The following SLC6A16 variants were observed in gnomAD, a reference collection of about 807,000 sequenced individuals.
SLC6A16 encodes orphan sodium- and chloride-dependent neurotransmitter transporter NTT5.
SLC6A16 carries 54 observed loss-of-function variants against 65.4 expected under a neutral mutation model. That is an observed-to-expected ratio of 0.83 (90% confidence interval 0.66 to 1.04). The LOEUF (loss-of-function observed/expected upper bound fraction) is 1.04, where lower values mean the gene tolerates loss of function less well. Among genes scored for constraint, SLC6A16 ranks in the 50% least tolerant of loss-of-function variants. The pLI, the probability that SLC6A16 is intolerant of heterozygous loss-of-function variation, is 0.00. For missense variants in SLC6A16, 816 were observed against 914.0 expected, an observed-to-expected ratio of 0.89 and a Z score of 1.38; for synonymous variants, 330 against 346.5, an observed-to-expected ratio of 0.95 and a Z score of 0.53.
intron 7 of SLC6A16, among the ~76,000 whole-genome samples, chr19:49,303,293 A>G (rs1376132509): frequency 6.6e-6 from 1 of 152,220 alleles, no homozygotes; most frequent in East Asian, 1.9e-4. Flanking sequence ...CTTGCAGTCC[A>G]GGAGAGAGTA....
At chr19:49,339,230 T>C in the SLC6A16 span, 2 of 1,037,954 alleles carry the variant, frequency 1.9e-6, no homozygotes, top group Non-Finnish European at 2.9e-6. The surrounding 1 kb of genome is among the most constrained non-coding windows in gnomAD (Gnocchi z 4.5). Flanking sequence ...GGGGAGCGGG[T>C]AGATGCCTGA....
At chr19:49,293,479 T>C in intron 9 of SLC6A16, 97 bp from the exon 10 acceptor site, 1 of 1,227,198 alleles carries the variant, frequency 8.1e-7, no homozygotes, top group Non-Finnish European at 1.2e-6. Flanking sequence ...GCAGACCCAG[T>C]GGTAGCCGGG....
chr19:49,335,865 C>A, the SLC6A16 span: 1 of 1,134,378 alleles, frequency 8.8e-7, no homozygotes, highest in South Asian at 1.2e-5. The surrounding 1 kb of genome is among the most constrained non-coding windows in gnomAD (Gnocchi z 4.6). Flanking sequence ...TCAGGGAGAC[C>A]TACGGTGCCC....
chr19:49,296,288 G>C (rs1014512439), intron 7 of SLC6A16, among the ~76,000 whole-genome samples: 1 of 152,110 alleles, frequency 6.6e-6, no homozygotes, highest in Non-Finnish European at 1.5e-5. Flanking sequence ...CACTCAGTCT[G>C]GGAAGGTAAT....
the SLC6A16 span, chr19:49,338,094 T>G: frequency 6.3e-7 from 1 of 1,581,028 alleles, no homozygotes; most frequent in Non-Finnish European, 8.6e-7. This position sits in a 1 kb window ranked among gnomAD's most constrained non-coding sequence, Gnocchi z 5.0. Flanking sequence ...TGGAGGAGAC[T>G]CCACCCCAAC....
chr19:49,293,778 G>T, intron 9 of SLC6A16, 49 bp downstream of exon 9: 1 of 1,515,298 alleles, frequency 6.6e-7, no homozygotes, highest in Non-Finnish European at 9.1e-7. Flanking sequence ...AGTCCCAGTG[G>T]TGTCAGGGGT....
In SLC6A16 at chr19:49,317,814, A is replaced by C. The variant is rs567340469; in HGVS notation, c.-64-6403T>G. ...CAGCGAGACTCCGTCTCAAAAAAAAAAAACTGTACAAATAATTAAAACAAC... is the reference window on the plus strand; with the variant it reads ...CAGCGAGACTCCGTCTCAAAAAAAACAAACTGTACAAATAATTAAAACAAC... On this transcript the variant is annotated intron_variant, in intron 1 of 11. Transcript: ENST00000335875. Among the ~76,000 whole-genome samples, 30 of 152,350 alleles carry C rather than the reference A, an allele frequency of 2.0e-4. 1 individual carries two copies. The South Asian group carries it at 6.2e-3, about 32-fold the overall frequency.
In SLC6A16 at chr19:49,311,199, T is replaced by C; in HGVS notation, c.149A>G (p.Gln50Arg). Residue 50 changes from glutamine to arginine, a missense_variant, in exon 2 of 12, where the codon CAA becomes CGA. By Grantham distance (43) the Gln-to-Arg change is conservative. Coordinates refer to ENST00000335875, the MANE Select transcript of SLC6A16 (RefSeq NM_014037.3). ...CTCTGCAACCCGGGCTGCTGAAACTTGGGCCTCTGAGGTCCAAGATGTTGC... is the reference window on the plus strand; with the variant it reads ...CTCTGCAACCCGGGCTGCTGAAACTCGGGCCTCTGAGGTCCAAGATGTTGC... ...RSATSWTSEA[Q>R]VSAARVAEAQ... is the part of the protein sequence containing the mutation. 2.5e-6 allele frequency: 4 copies of C among 1,614,152 alleles called. No homozygotes were observed. Among genetic ancestry groups the C allele is most frequent in the Non-Finnish European group, 3.4e-6 (4 of 1,180,026 alleles).
At chr19:49,323,340 C>G (rs1038839231) in intron 1 of SLC6A16, among the ~76,000 whole-genome samples, 15 of 151,628 alleles carry the variant, frequency 9.9e-5, no homozygotes, top group Non-Finnish European at 2.2e-4. Context: ...AAGGCAAAAG[C>G]AACAAAAGAA....
chr19:49,312,218 A>C (rs1970536417), intron 1 of SLC6A16, among the ~76,000 whole-genome samples: 1 of 152,164 alleles, frequency 6.6e-6, no homozygotes, highest in Non-Finnish European at 1.5e-5. Context: ...TGAATTTAAA[A>C]ACAAAACTAA....
intron 7 of SLC6A16, among the ~76,000 whole-genome samples, chr19:49,301,457 C>A (rs990035697): frequency 1.3e-5 from 2 of 152,190 alleles, no homozygotes; most frequent in Non-Finnish European, 2.9e-5. Flanking sequence ...CCCCTAGTGG[C>A]CTGCTCAACA....
At chr19:49,297,652 C>T (rs1970210159) in intron 7 of SLC6A16, among the ~76,000 whole-genome samples, 1 of 152,174 alleles carries the variant, frequency 6.6e-6, no homozygotes, top group African/African-American at 2.4e-5. Context: ...CTCAAAGCAG[C>T]TCTACTTGAG....
chr19:49,332,549 C>A, the SLC6A16 span, among the ~76,000 whole-genome samples: 1 of 152,026 alleles, frequency 6.6e-6, no homozygotes, highest in Non-Finnish European at 1.5e-5. Flanking sequence ...CAGAGCGAGG[C>A]TCTGTCTCAA....
intron 7 of SLC6A16, among the ~76,000 whole-genome samples, chr19:49,305,601 AAAAAAAAAAG>A (rs1469751185): frequency 4.0e-5 from 6 of 151,106 alleles, no homozygotes; most frequent in Non-Finnish European, 7.4e-5. Context: ...TCAAAAAAAA[AAAAAAAAAAG>A]AAGAAGAAGA....
chr19:49,290,042 T>C lies in SLC6A16; in HGVS notation c.*81A>G. 2.1e-6 allele frequency: 3 copies of C among 1,423,546 alleles called. No individual in the cohort carries two copies. The highest frequency in any genetic ancestry group is 2.9e-6 in the Non-Finnish European group (3 of 1,041,128). The allele number at this position is 1,423,546 out of a possible 1,614,324, so 88.2% of individuals were successfully genotyped here. A position where few individuals can be genotyped will look rare whatever the true frequency, so the allele number is the denominator to read the frequency against. ...AAAAGTGGTTCTGGATCCAGGGAGA[T>C]CAACAGTTGCAAGCTGATATTAAGA... On this transcript the variant is annotated 3_prime_UTR_variant, in exon 12 of 12. Transcript: ENST00000335875.
intron 7 of SLC6A16, among the ~76,000 whole-genome samples, chr19:49,294,885 C>T (rs568010506): frequency 6.6e-6 from 1 of 152,246 alleles, no homozygotes; most frequent in Admixed American, 6.5e-5. Flanking sequence ...AGCCAACTTT[C>T]TAAAGTTCCT....
intron 7 of SLC6A16, among the ~76,000 whole-genome samples, chr19:49,307,051 CTTTTT>C (rs1197711801): frequency 1.6e-5 from 1 of 61,032 alleles, no homozygotes. Context: ...GTTTTATACA[CTTTTT>C]TTTTTTTTTT....
At chr19:49,334,610 C>T in the SLC6A16 span, among the ~76,000 whole-genome samples, 6 of 152,052 alleles carry the variant, frequency 3.9e-5, no homozygotes, top group Admixed American at 1.3e-4. Context: ...GCAGGAGGGT[C>T]GCTTGAGTCC....
upstream of SLC6A16, among the ~76,000 whole-genome samples, chr19:49,329,432 C>G (rs1324269310): frequency 6.6e-6 from 1 of 151,958 alleles, no homozygotes; most frequent in African/African-American, 2.4e-5. Flanking sequence ...TAATTTGTTA[C>G]AGAGCATTAG....
Sources: allele counts gnomAD v4.1 joint callset (sites outside exome capture counted in the v4.1 genomes callset), GRCh38; gene constraint gnomAD v4.1.1; non-coding constraint Gnocchi (gnomAD v3.1); transcripts MANE v1.5; gene names NCBI Gene and HGNC (gene_info 2026-07-23, HGNC 2026-07-21).